LRRIQ3: variants seen among roughly 807,000 people sequenced by gnomAD.
LRRIQ3 encodes the protein leucine-rich repeat and IQ domain-containing protein 3.
A neutral mutation model predicts 59.3 loss-of-function variants in LRRIQ3; 75 were observed. That is an observed-to-expected ratio of 1.26 (90% CI 1.05 to 1.53). LRRIQ3 has a LOEUF of 1.53. Among genes scored for constraint, LRRIQ3 ranks in the 40% most tolerant of loss-of-function variants. LRRIQ3 has a pLI of 0.00. For missense variants in LRRIQ3, 831 were observed against 710.0 expected (o/e 1.17, Z -1.94); for synonymous variants, 250 against 231.3 (o/e 1.08, Z -0.73).
chr1:74,133,978 T>A (rs1647074746), intron 4 of LRRIQ3, among the ~76,000 whole-genome samples: 1 of 152,090 alleles, frequency 6.6e-6, no homozygotes. Flanking sequence ...TTTAACTTTA[T>A]ATTTGAATTT....
At chr1:74,051,459 TA>T (rs1461966811) in intron 6 of LRRIQ3, among the ~76,000 whole-genome samples, 1 of 152,286 alleles carries the variant, frequency 6.6e-6, no homozygotes, top group African/African-American at 2.4e-5. Context: ...CATACGATTT[TA>T]AAAACATCCG....
chr1:74,132,380 G>A (rs991287989), intron 4 of LRRIQ3, among the ~76,000 whole-genome samples: 1 of 152,036 alleles, frequency 6.6e-6, no homozygotes, highest in African/African-American at 2.4e-5. Flanking sequence ...AGTTCATATG[G>A]AACCAAAAAT....
chr1:74,112,838 C>G (rs921922577), intron 4 of LRRIQ3, among the ~76,000 whole-genome samples: 1 of 152,082 alleles, frequency 6.6e-6, no homozygotes, highest in Non-Finnish European at 1.5e-5. Flanking sequence ...ACAAGAAACT[C>G]TGGGTGGGGC....
At chr1:74,195,903 T>C (rs963836491) in intron 1 of LRRIQ3, among the ~76,000 whole-genome samples, 2 of 152,152 alleles carry the variant, frequency 1.3e-5, no homozygotes, top group Non-Finnish European at 2.9e-5. Context: ...TGTTTTATTA[T>C]AGTGAATATG....
At chr1:74,159,577 C>A (rs1324504014) in intron 3 of LRRIQ3, among the ~76,000 whole-genome samples, 1 of 152,134 alleles carries the variant, frequency 6.6e-6, no homozygotes, top group African/African-American at 2.4e-5. Flanking sequence ...TTTTCTTCTG[C>A]AAACATTTAA....
At chr1:74,158,120 T>TC (rs1215616264) in intron 3 of LRRIQ3, among the ~76,000 whole-genome samples, 1 of 152,010 alleles carries the variant, frequency 6.6e-6, no homozygotes, top group Non-Finnish European at 1.5e-5. Context: ...CAGTCTTACC[T>TC]CTCTTTTTCT....
rs113771019 is a variant in LRRIQ3 at position 74,094,287 on chromosome 1, G to A, written c.867+15107C>T. Among the ~76,000 whole-genome samples, 1,421 of 152,098 alleles carry A rather than the reference G, an allele frequency of 9.3e-3. 17 individuals are homozygous for A. Among genetic ancestry groups the A allele is most frequent in the Admixed American group, 0.04 (604 of 15,230 alleles). Reference sequence around the variant, plus strand: ...ACATTCAGCTCATAACACTTTATAGGCAAAAAGATATTTGCAGATGTGATT... The same window carrying A: ...ACATTCAGCTCATAACACTTTATAGACAAAAAGATATTTGCAGATGTGATT... On this transcript the variant is annotated intron_variant, in intron 5 of 7. Coordinates refer to ENST00000354431, the MANE Select transcript of LRRIQ3 (RefSeq NM_001105659.2).
chr1:74,149,262 C>T (rs902818841), intron 4 of LRRIQ3, among the ~76,000 whole-genome samples: 15 of 152,092 alleles, frequency 9.9e-5, no homozygotes, highest in Admixed American at 7.9e-4. Context: ...ATTATATTTT[C>T]CTTACATGTA....
At chr1:74,196,898 A>C (rs1651195872) in intron 1 of LRRIQ3, among the ~76,000 whole-genome samples, 1 of 152,112 alleles carries the variant, frequency 6.6e-6, no homozygotes, top group Admixed American at 6.5e-5. Context: ...CCTATCTCCG[A>C]GTGATCTCTT....
intron 6 of LRRIQ3, among the ~76,000 whole-genome samples, chr1:74,055,180 TTATATATA>T (rs57279520): frequency 0.48 from 66,470 of 139,750 alleles, 16,775 homozygotes; most frequent in Middle Eastern, 0.64. Flanking sequence ...CATATACACT[TTATATATA>T]TATATATATA....
rs565978901 is a variant in LRRIQ3 at position 74,087,416 on chromosome 1, G to A, written c.868-12626C>T. Among the ~76,000 whole-genome samples the A allele has an allele frequency of 2.1e-4, 6 of 28,982 alleles. No individual in the cohort carries two copies. In the East Asian group the frequency reaches 4.7e-3, roughly 23 times the overall value. 19.0% of individuals were successfully genotyped at this position (28,982 alleles called of 152,430 possible). On this transcript the variant is annotated intron_variant, in intron 5 of 7. Transcript: ENST00000354431. Reference sequence around the variant, plus strand: ...TTTTTTTTTTTTTTTTTACTTTTTGGCTTTCATTTTTTTCAATGATCCACC... The same window carrying A: ...TTTTTTTTTTTTTTTTTACTTTTTGACTTTCATTTTTTTCAATGATCCACC...
At chr1:74,172,143 A>G (rs2100701632) in intron 3 of LRRIQ3, among the ~76,000 whole-genome samples, 1 of 151,958 alleles carries the variant, frequency 6.6e-6, no homozygotes, top group African/African-American at 2.4e-5. Context: ...TGCCAATTTT[A>G]GGTTTAGTTT....
intron 5 of LRRIQ3, among the ~76,000 whole-genome samples, chr1:74,079,405 C>A (rs1646246817): frequency 6.6e-6 from 1 of 151,740 alleles, no homozygotes; most frequent in Admixed American, 6.6e-5. Flanking sequence ...CACTCTCCTT[C>A]CCAAAATGTG....
At chr1:74,060,171 A>ATCTTCTTCTTCTTTT (rs1654660095) in intron 6 of LRRIQ3, among the ~76,000 whole-genome samples, 2 of 147,202 alleles carry the variant, frequency 1.4e-5, no homozygotes, top group African/African-American at 5.0e-5. Context: ...CTTCGTCGTC[A>ATCTTCTTCTTCTTTT]TCTTCTTCTT....
At chr1:74,040,008 C>T (rs900115123) in intron 7 of LRRIQ3, among the ~76,000 whole-genome samples, 1 of 152,110 alleles carries the variant, frequency 6.6e-6, no homozygotes, top group East Asian at 1.9e-4. Context: ...TATAAAGAGC[C>T]AAGACCCATC....
chr1:74,194,830 TTTC>T (rs1357417746), intron 1 of LRRIQ3, among the ~76,000 whole-genome samples: 3 of 152,196 alleles, frequency 2.0e-5, no homozygotes, highest in Admixed American at 2.0e-4. Context: ...TTAATACCTT[TTTC>T]TTAAGTGTCA....
intron 1 of LRRIQ3, among the ~76,000 whole-genome samples, chr1:74,191,243 A>T (rs895990837): frequency 6.6e-6 from 1 of 152,296 alleles, no homozygotes; most frequent in Admixed American, 6.5e-5. Flanking sequence ...ATTCTGTTAG[A>T]TAAATATTGA....
intron 3 of LRRIQ3, among the ~76,000 whole-genome samples, chr1:74,178,384 T>C (rs1649774577): frequency 6.6e-6 from 1 of 152,104 alleles, no homozygotes; most frequent in Non-Finnish European, 1.5e-5. Flanking sequence ...TTATCTTTTG[T>C]ATTTTTTGAA....
intron 5 of LRRIQ3, chr1:74,082,703 G>T (rs1040779868): frequency 8.0e-5 from 12 of 150,828 alleles, no homozygotes; most frequent in African/African-American, 2.9e-4. Context: ...ATCTGAGGAG[G>T]GATTTATATT....
Sources: allele counts gnomAD v4.1 joint callset (sites outside exome capture counted in the v4.1 genomes callset), GRCh38; gene constraint gnomAD v4.1.1; transcripts MANE v1.5; gene names NCBI Gene and HGNC (gene_info 2026-07-23, HGNC 2026-07-21).